Variants in TRIM48 observed in about 807,000 individuals in gnomAD.
TRIM48 encodes the protein E3 ubiquitin-protein ligase TRIM48.
A neutral mutation model predicts 29.5 loss-of-function variants in TRIM48; 31 were observed. The observed-to-expected ratio is 1.05, with a 90% confidence interval of 0.79 to 1.42. The LOEUF (loss-of-function observed/expected upper bound fraction) is 1.42, where lower values mean the gene tolerates loss of function less well. Among genes scored for constraint, TRIM48 ranks in the 40% most tolerant of loss-of-function variants. The probability of loss-of-function intolerance (pLI) is 0.00; values close to 1 mark genes in which losing one functional copy is unlikely to be tolerated. For synonymous variants in TRIM48, 128 were observed against 90.6 expected, an observed-to-expected ratio of 1.41 and a Z score of -2.34; for missense variants, 344 against 265.0, an observed-to-expected ratio of 1.30 and a Z score of -2.07.
chr11:55,266,252 G>A (rs575814671), intron 3 of TRIM48, among the ~76,000 whole-genome samples: 1 of 147,442 alleles, frequency 6.8e-6, no homozygotes, highest in Non-Finnish European at 1.5e-5. Flanking sequence ...GTGTCTTGAG[G>A]GAGACATGCA....
chr11:55,263,157 G>A (rs1338575166), intron 1 of TRIM48, among the ~76,000 whole-genome samples: 1 of 152,060 alleles, frequency 6.6e-6, no homozygotes, highest in Non-Finnish European at 1.5e-5. Flanking sequence ...TATAATACCA[G>A]TATGTTTACT....
In TRIM48 at chr11:55,270,649, T is replaced by A. The variant is rs552889682; in HGVS notation, c.*214T>A. 1 of 1,579,806 alleles carries A rather than the reference T, an allele frequency of 6.3e-7. No individual in the cohort carries two copies. Among genetic ancestry groups the A allele is most frequent in the Admixed American group, 1.7e-5 (1 of 58,266 alleles). On this transcript the variant is annotated 3_prime_UTR_variant, in exon 6 of 6. Coordinates refer to ENST00000417545, the MANE Select transcript of TRIM48 (RefSeq NM_024114.5). Reference sequence around the variant, plus strand: ...CTCTTGGAATTGGGCTTTTGGTGTCTGTAATAAGTATTGGAAAGGGAAGAA... The same window carrying A: ...CTCTTGGAATTGGGCTTTTGGTGTCAGTAATAAGTATTGGAAAGGGAAGAA...
rs1857314358 is a variant in TRIM48 at position 55,262,290 on chromosome 11, G to A, written c.23G>A (p.Gly8Glu). The change falls in exon 1 of 6, where the codon GGA becomes GAA. Residue 8 changes from glycine (G) to glutamate (E), a missense_variant. Transcript: ENST00000417545. ...ATTATGTCTCGAAGAATCATTGTGG[G>A]AACCCTTCAAAGAACCCAGCGGTGA... The part of the protein sequence containing the change: MSRRIIV[G>E]TLQRTQRNMN... The A allele has an allele frequency of 4.5e-6, 7 of 1,548,598 alleles. No individual in the cohort carries two copies. The highest frequency in any genetic ancestry group is 1.2e-5 in the South Asian group (1 of 83,952).
At chr11:55,263,763 G>C (rs1212199051) in intron 1 of TRIM48, among the ~76,000 whole-genome samples, 1 of 152,178 alleles carries the variant, frequency 6.6e-6, no homozygotes, top group East Asian at 1.9e-4. Context: ...AGGAAAATTC[G>C]TTTGCTTGAT....
intron 5 of TRIM48, among the ~76,000 whole-genome samples, chr11:55,270,150 C>A (rs1027394256): frequency 2.7e-5 from 4 of 148,070 alleles, no homozygotes; most frequent in Non-Finnish European, 6.0e-5. Context: ...GTATAATGTG[C>A]AAATTTTGCT....
rs752716650 is a variant in TRIM48, at chr11:55,266,873, T to G, written c.555+1178T>G. On this transcript the variant is annotated intron_variant, in intron 3 of 5. Coordinates refer to ENST00000417545, the MANE Select transcript of TRIM48 (RefSeq NM_024114.5). The stretch of plus-strand genomic sequence containing the variant: ...GAACCAAAGAAGTCTATGTTTCAGA[T>G]TGGGATGACTTAGAAAAAGAATGGA... Among the ~76,000 whole-genome samples, 25 of 147,202 alleles carry G rather than the reference T, an allele frequency of 1.7e-4. 2 individuals carry two copies. The highest frequency in any genetic ancestry group is 1.5e-5 in the Non-Finnish European group (1 of 66,752).
chr11:55,267,749 A>C, intron 3 of TRIM48: 1 of 1,459,614 alleles, frequency 6.9e-7, no homozygotes, highest in Non-Finnish European at 9.2e-7. Flanking sequence ...GTTTCCAAAA[A>C]CACATTCGCA....
intron 1 of TRIM48, among the ~76,000 whole-genome samples, chr11:55,263,559 G>C (rs1482622885): frequency 6.6e-6 from 1 of 152,094 alleles, no homozygotes; most frequent in East Asian, 1.9e-4. Context: ...GAACTCAGGA[G>C]GCTAAGGCAG....
intron 1 of TRIM48, among the ~76,000 whole-genome samples, chr11:55,263,519 G>T (rs575605658): frequency 6.6e-6 from 1 of 151,898 alleles, no homozygotes; most frequent in South Asian, 2.1e-4. Context: ...AAAATTTGCC[G>T]GGTGTAGTGG....
At position 55,264,849 on chromosome 11, in the gene TRIM48, G is replaced by T. The variant is rs200353781; in HGVS notation, c.45-51G>T. 60 of 1,578,592 alleles carry T rather than the reference G, an allele frequency of 3.8e-5. 6 individuals carry two copies. Among genetic ancestry groups the T allele is most frequent in the Non-Finnish European group, 5.2e-5 (60 of 1,163,554 alleles). On this transcript the variant is annotated intron_variant, in intron 1 of 5. Coordinates refer to ENST00000417545, the MANE Select transcript of TRIM48 (RefSeq NM_024114.5). ...ATCACTTATCTCCACATGTTCAGAAGCTTTTCATCAACCCAGACCCCAAAA... is the reference window on the plus strand; with the variant it reads ...ATCACTTATCTCCACATGTTCAGAATCTTTTCATCAACCCAGACCCCAAAA...
chr11:55,265,121 T>C lies in TRIM48; in HGVS notation c.266T>C (p.Met89Thr). ...AAAACTAACATTCGATTGAAGAAGA[T>C]GGCTTCCCTTGCCAGAAAAGCCAGT... is the stretch of plus-strand genomic sequence containing the variant. ...NLKTNIRLKKMASLARKASLW... is the reference protein window; with the variant it reads ...NLKTNIRLKKTASLARKASLW... Residue 89 changes from methionine (M) to threonine (T), a missense_variant, in exon 2 of 6, where the codon ATG becomes ACG. Coordinates refer to ENST00000417545, the MANE Select transcript of TRIM48 (RefSeq NM_024114.5). 1 of 1,582,778 alleles carries C rather than the reference T, an allele frequency of 6.3e-7. No individual in the cohort carries two copies. The highest frequency in any genetic ancestry group is 8.6e-7 in the Non-Finnish European group (1 of 1,166,160).
intron 3 of TRIM48, among the ~76,000 whole-genome samples, chr11:55,266,987 G>T (rs1425664323): frequency 1.4e-5 from 2 of 147,654 alleles, no homozygotes; most frequent in Non-Finnish European, 3.0e-5. Flanking sequence ...CATTTAGCTG[G>T]ACATGTTAGT....
Position 55,270,754 on chromosome 11 carries a change from A to T in TRIM48, c.*319A>T. ...GAACGACATTCAGTGCAGTCTCTTT[A>T]CCACCTCCCCAATTACACTGCAGTA... On this transcript the variant is annotated 3_prime_UTR_variant, in exon 6 of 6. Transcript: ENST00000417545. 1 of 1,567,342 alleles carries T rather than the reference A, an allele frequency of 6.4e-7. No homozygotes were observed.
intron 1 of TRIM48, among the ~76,000 whole-genome samples, chr11:55,263,742 G>A (rs1203496737): frequency 1.3e-5 from 2 of 152,092 alleles, no homozygotes; most frequent in East Asian, 3.9e-4. Context: ...TCTACACGAG[G>A]GGAATTCATC....
chr11:55,270,135 A>G (rs1455918917), intron 5 of TRIM48, among the ~76,000 whole-genome samples: 2 of 148,382 alleles, frequency 1.3e-5, no homozygotes, highest in Non-Finnish European at 3.0e-5. Flanking sequence ...CATAGCATTT[A>G]GGGCGTATAA....
At chr11:55,264,818 A>G (rs1857360729) in intron 1 of TRIM48, 82 bp from the exon 2 acceptor site, 2 of 1,534,530 alleles carry the variant, frequency 1.3e-6, no homozygotes, top group African/African-American at 1.4e-5. Context: ...AGAAGAAACT[A>G]TAGCTATCAC....
chr11:55,268,623 G>A (rs1857429226), intron 4 of TRIM48, among the ~76,000 whole-genome samples: 1 of 147,970 alleles, frequency 6.8e-6, no homozygotes, highest in Admixed American at 6.8e-5. Context: ...CTGCATAGGT[G>A]AAAGATGAAG....
intron 1 of TRIM48, among the ~76,000 whole-genome samples, 200 bp from the exon 2 acceptor site, chr11:55,264,700 G>A (rs1456421108): frequency 6.8e-6 from 1 of 148,018 alleles, no homozygotes; most frequent in African/African-American, 2.5e-5. Flanking sequence ...GGGGTTGTGA[G>A]GCATCTAGTC....
At position 55,269,254 on chromosome 11, in the gene TRIM48, G is replaced by A; in HGVS notation, c.591G>A (p.Val197=). Residue 197 remains valine, a synonymous_variant, in exon 5 of 6, where the codon GTG becomes GTA. Coordinates refer to ENST00000417545, the MANE Select transcript of TRIM48 (RefSeq NM_024114.5). ...FGDILYRSES[V]LLHMPQPLNL... is the part of the protein sequence containing the mutation. ...TTTTTCCTTGCAGGAGTGAGTCCGT[G>A]CTGCTGCACATGCCCCAGCCTCTGA... 1.9e-6 allele frequency: 3 copies of A among 1,575,112 alleles called. No homozygotes were observed. The highest frequency in any genetic ancestry group is 2.4e-5 in the East Asian group (1 of 41,386).
Sources: allele counts gnomAD v4.1 joint callset (sites outside exome capture counted in the v4.1 genomes callset), GRCh38; gene constraint gnomAD v4.1.1; transcripts MANE v1.5; gene names NCBI Gene and HGNC (gene_info 2026-07-23, HGNC 2026-07-21).